FMN1: variants seen among roughly 807,000 people sequenced by gnomAD.
FMN1 encodes formin-1.
In FMN1, 110 loss-of-function variants were observed where a neutral mutation model predicts 132.4. The ratio of observed to expected loss-of-function variants is 0.83; its 90% CI spans 0.71 to 0.97. The LOEUF is 0.97. Among genes scored for constraint, FMN1 ranks in the 50% least tolerant of loss-of-function variants. The probability of loss-of-function intolerance (pLI) is 0.00; values close to 1 mark genes in which losing one functional copy is unlikely to be tolerated. For missense variants in FMN1, 1,792 were observed against 1,705.3 expected (o/e 1.05, Z -0.90); for synonymous variants, 722 against 651.7 (o/e 1.11, Z -1.64).
intron 4 of FMN1, among the ~76,000 whole-genome samples, chr15:33,106,767 ATAG>A (rs759292652): frequency 5.3e-5 from 8 of 152,058 alleles, no homozygotes; most frequent in Non-Finnish European, 1.0e-4. Context: ...TCACTAGTTA[ATAG>A]TAGCATCCCC....
At chr15:32,885,416 C>T (rs183653019) in intron 16 of FMN1, among the ~76,000 whole-genome samples, 39 of 152,278 alleles carry the variant, frequency 2.6e-4, no homozygotes, top group Admixed American at 3.9e-4. Flanking sequence ...GGGTCACAGG[C>T]GTGATATGTA....
intron 9 of FMN1, among the ~76,000 whole-genome samples, chr15:32,942,604 G>A (rs2061424018): frequency 6.6e-6 from 1 of 151,822 alleles, no homozygotes; most frequent in Admixed American, 6.6e-5. Flanking sequence ...TGTCTGAAAG[G>A]AAGATGATTA....
At chr15:33,130,068 G>C (rs538389045) in intron 4 of FMN1, among the ~76,000 whole-genome samples, 1 of 152,092 alleles carries the variant, frequency 6.6e-6, no homozygotes, top group Non-Finnish European at 1.5e-5. Flanking sequence ...ACCTGACCTC[G>C]TGATCCACCT....
chr15:32,820,500 C>T (rs971229991), intron 17 of FMN1, among the ~76,000 whole-genome samples: 3 of 151,350 alleles, frequency 2.0e-5, no homozygotes, highest in Admixed American at 1.3e-4. Context: ...TGCATCACAC[C>T]CTCTGTCTCC....
At chr15:33,018,078 A>T (rs967529746) in intron 6 of FMN1, among the ~76,000 whole-genome samples, 1 of 151,930 alleles carries the variant, frequency 6.6e-6, no homozygotes, top group African/African-American at 2.4e-5. Flanking sequence ...AAAAAAAAAA[A>T]AAAAAATTTA....
At chr15:32,978,596 A>C (rs1316937132) in intron 7 of FMN1, among the ~76,000 whole-genome samples, 1 of 152,206 alleles carries the variant, frequency 6.6e-6, no homozygotes, top group Non-Finnish European at 1.5e-5. Flanking sequence ...ATCACTACTG[A>C]AGCTGCAGCC....
chr15:32,813,885 C>G (rs1267685221), intron 17 of FMN1, among the ~76,000 whole-genome samples: 1 of 152,106 alleles, frequency 6.6e-6, no homozygotes, highest in African/African-American at 2.4e-5. Flanking sequence ...CTACATTTTC[C>G]AACGCTCCCT....
At chr15:33,117,892 G>C (rs1187597856) in intron 4 of FMN1, among the ~76,000 whole-genome samples, 1 of 152,176 alleles carries the variant, frequency 6.6e-6, no homozygotes, top group East Asian at 1.9e-4. Context: ...TCAAATGCCT[G>C]TTCTTCATCT....
chr15:32,847,650 C>G (rs781743184), intron 17 of FMN1, among the ~76,000 whole-genome samples: 2 of 152,124 alleles, frequency 1.3e-5, no homozygotes, highest in Non-Finnish European at 2.9e-5. Flanking sequence ...GTCAGGAGAT[C>G]GAGACCATCC....
At chr15:33,009,679 T>C (rs1223027648) in intron 6 of FMN1, among the ~76,000 whole-genome samples, 1 of 152,220 alleles carries the variant, frequency 6.6e-6, no homozygotes, top group Non-Finnish European at 1.5e-5. Flanking sequence ...AACCCTATGA[T>C]GTAGGTACCA....
At chr15:33,061,605 A>G (rs925741924) in intron 6 of FMN1, among the ~76,000 whole-genome samples, 1 of 151,840 alleles carries the variant, frequency 6.6e-6, no homozygotes, top group Non-Finnish European at 1.5e-5. Flanking sequence ...AAGTTTTTCT[A>G]GAAGAATGAA....
intron 20 of FMN1, among the ~76,000 whole-genome samples, chr15:32,776,098 T>C (rs908270556): frequency 6.6e-6 from 1 of 152,244 alleles, no homozygotes; most frequent in Non-Finnish European, 1.5e-5. Flanking sequence ...AGTAGTATGT[T>C]CTTTTCATGG....
chr15:33,113,785 T>C (rs1270303064), intron 4 of FMN1, among the ~76,000 whole-genome samples: 1 of 152,204 alleles, frequency 6.6e-6, no homozygotes, highest in Admixed American at 6.5e-5. Flanking sequence ...CTTTCATCTG[T>C]GACTCCTTCC....
intron 6 of FMN1, among the ~76,000 whole-genome samples, chr15:33,042,345 TA>T (rs2036478397): frequency 6.6e-6 from 1 of 152,098 alleles, no homozygotes; most frequent in Non-Finnish European, 1.5e-5. Flanking sequence ...AGAATTCCAG[TA>T]AAAATTACAA....
chr15:33,125,967 G>GT (rs1025459281), intron 4 of FMN1, among the ~76,000 whole-genome samples: 58 of 151,236 alleles, frequency 3.8e-4, no homozygotes, highest in African/African-American at 1.3e-3. Flanking sequence ...TTTTTGTGCA[G>GT]TAAGTCACTA....
chr15:32,937,361 A>T (rs916027374), intron 9 of FMN1, among the ~76,000 whole-genome samples: 3 of 152,172 alleles, frequency 2.0e-5, no homozygotes, highest in Admixed American at 6.5e-5. Context: ...CCAGAAAGGG[A>T]GTCAGATGAG....
intron 6 of FMN1, among the ~76,000 whole-genome samples, chr15:33,053,220 A>G (rs969137913): frequency 6.6e-6 from 1 of 152,124 alleles, no homozygotes; most frequent in African/African-American, 2.4e-5. Context: ...CTAACACACC[A>G]CCATCCACCC....
chr15:33,057,192 A>G (rs984461231), intron 6 of FMN1, among the ~76,000 whole-genome samples: 1 of 152,084 alleles, frequency 6.6e-6, no homozygotes, highest in Non-Finnish European at 1.5e-5. Flanking sequence ...AAGCAGATAA[A>G]ACTAACCTAT....
chr15:33,072,160 A>C (rs1363194566), intron 5 of FMN1, among the ~76,000 whole-genome samples: 4 of 152,212 alleles, frequency 2.6e-5, no homozygotes, highest in Non-Finnish European at 5.9e-5. Flanking sequence ...TACAAAAAAT[A>C]ATCTGTGCCA....
Sources: allele counts gnomAD v4.1 joint callset (sites outside exome capture counted in the v4.1 genomes callset), GRCh38; gene constraint gnomAD v4.1.1; transcripts MANE v1.5; gene names NCBI Gene and HGNC (gene_info 2026-07-23, HGNC 2026-07-21).